Variants in ZNF518B observed in about 807,000 individuals in gnomAD.
The protein encoded by ZNF518B is zinc finger protein 518B.
A neutral mutation model predicts 56.3 loss-of-function variants in ZNF518B; 23 were observed. The ratio of observed to expected loss-of-function variants is 0.41; its 90% CI spans 0.29 to 0.58. The LOEUF is 0.58. ZNF518B is among the 20% of genes least tolerant of loss of function. ZNF518B has a pLI of 0.32. For synonymous variants in ZNF518B, 529 were observed against 465.9 expected, an observed-to-expected ratio of 1.14 and a Z score of -1.74; for missense variants, 1,460 against 1,272.1, an observed-to-expected ratio of 1.15 and a Z score of -2.25.
At position 10,446,058 on chromosome 4, in the gene ZNF518B, G is replaced by C. The variant is rs1460844220; in HGVS notation, c.271C>G (p.Leu91Val). Residue 91 changes from leucine to valine, a missense_variant, in exon 3 of 3, where the codon CTC becomes GTC. Leu to Val is a conservative substitution (Grantham distance 32, BLOSUM62 1). Coordinates refer to ENST00000326756, the MANE Select transcript of ZNF518B (RefSeq NM_053042.3). ...DGMYVCFQCS[L>V]GAAPPNFHFV... The stretch of plus-strand genomic sequence containing the variant: ...TGAAAATTGGGAGGAGCTGCACCGA[G>C]GCTGCACTGGAAGCAGACATACATA... 8 of 1,614,102 alleles carry C rather than the reference G, an allele frequency of 5.0e-6. No homozygotes were observed. The highest frequency in any genetic ancestry group is 6.8e-6 in the Non-Finnish European group (8 of 1,180,032).
rs759788212 is a variant in ZNF518B at position 10,444,251 on chromosome 4, C to A, written c.2078G>T (p.Gly693Val). 1 of 1,614,016 alleles carries A rather than the reference C, an allele frequency of 6.2e-7. No individual in the cohort carries two copies. Among genetic ancestry groups the A allele is most frequent in the South Asian group, 1.1e-5 (1 of 91,084 alleles). ...TTTTGAAGTTCCCTTTGATGCCTGC[C>A]CTACAGAGCGACGATGTGCACTATT... ...ASNSAHRRSV[G>V]QASKGTSKAT... is the part of the protein sequence containing the mutation. The change falls in exon 3 of 3, where the codon GGG becomes GTG. Residue 693 changes from glycine to valine, a missense_variant. Physicochemically the swap from Gly to Val is moderately radical, Grantham distance 109. Transcript: ENST00000326756.
At chr4:10,455,393 C>T (rs1715485338) in intron 1 of ZNF518B, among the ~76,000 whole-genome samples, 1 of 152,094 alleles carries the variant, frequency 6.6e-6, no homozygotes, top group South Asian at 2.1e-4. Flanking sequence ...TTGGGGAAAC[C>T]CTCCCTGGTA....
intron 2 of ZNF518B, among the ~76,000 whole-genome samples, chr4:10,447,349 G>A (rs1715104968): frequency 6.6e-6 from 1 of 152,154 alleles, no homozygotes; most frequent in Admixed American, 6.5e-5. Flanking sequence ...CTCATGCTAA[G>A]TTCATGTCTG....
upstream of ZNF518B, among the ~76,000 whole-genome samples, chr4:10,459,728 A>G (rs1395727204): frequency 6.6e-6 from 1 of 152,180 alleles, no homozygotes; most frequent in Non-Finnish European, 1.5e-5. Flanking sequence ...AGATTGGAGT[A>G]CACAGCCACA....
rs1349512300 is a variant in ZNF518B at position 10,444,625 on chromosome 4, A to G, written c.1704T>C (p.Ser568=). Residue 568 remains serine (S), a synonymous_variant, in exon 3 of 3, where the codon TCT becomes TCC. Transcript: ENST00000326756. ...KVNIPVKVVS[S]NRKQEDNQTE... The stretch of plus-strand genomic sequence containing the variant: ...TCTGGTTATCTTCCTGCTTCCTATT[A>G]GAGGAAACCACTTTTACAGGAATAT... 6.2e-7 allele frequency: 1 copy of G among 1,614,162 alleles called. No individual in the cohort carries two copies. Among genetic ancestry groups the G allele is most frequent in the Admixed American group, 1.7e-5 (1 of 60,026 alleles).
chr4:10,456,506 C>T lies in ZNF518B; in HGVS notation c.-396+811G>A, dbSNP rs73090017. Among the ~76,000 whole-genome samples the T allele has an allele frequency of 5.6e-3, 856 of 152,260 alleles. 9 individuals are homozygous for T. Among genetic ancestry groups the T allele is most frequent in the African/African-American group, 0.019 (795 of 41,534 alleles). On this transcript the variant is annotated intron_variant, in intron 1 of 2. Transcript: ENST00000326756. ...ATCTCTTCTCAACCTCCTATGTCCT[C>T]GCCCCCCGTAAAAGATGCGCAGGAC...
At chr4:10,459,549 C>CA (rs1715678766), upstream of ZNF518B, among the ~76,000 whole-genome samples, 1 of 152,134 alleles carries the variant, frequency 6.6e-6, no homozygotes, top group Non-Finnish European at 1.5e-5. Flanking sequence ...TATTTGGAAA[C>CA]ACGGTCTTTA....
At chr4:10,458,585 C>T (rs1397919707), upstream of ZNF518B, among the ~76,000 whole-genome samples, 1 of 152,238 alleles carries the variant, frequency 6.6e-6, no homozygotes, top group East Asian at 1.9e-4. Context: ...ATCCTTCTTC[C>T]TGCCCTAGGC....
intron 2 of ZNF518B, among the ~76,000 whole-genome samples, chr4:10,448,028 C>T (rs914250054): frequency 1.3e-5 from 2 of 152,182 alleles, no homozygotes; most frequent in African/African-American, 4.8e-5. Context: ...AAAATCCATT[C>T]TAGTTTGGAA....
Position 10,443,862 on chromosome 4 carries a change from A to G in ZNF518B, c.2467T>C (p.Leu823=). 1 of 1,614,154 alleles carries G rather than the reference A, an allele frequency of 6.2e-7. No individual in the cohort carries two copies. Among genetic ancestry groups the G allele is most frequent in the Non-Finnish European group, 8.5e-7 (1 of 1,180,012 alleles). ...CCCCTTTCACTTCTTAAAGGCTGTA[A>G]GTCTGAGTCCGCCTGTCTCACAGGG... ...FCPVRQADSD[L]QPLRSERGPI... Residue 823 remains leucine, a synonymous_variant, in exon 3 of 3, where the codon TTA becomes CTA. Coordinates refer to ENST00000326756, the MANE Select transcript of ZNF518B (RefSeq NM_053042.3).
At chr4:10,459,745 C>T (rs1030076202), upstream of ZNF518B, among the ~76,000 whole-genome samples, 3 of 152,120 alleles carry the variant, frequency 2.0e-5, no homozygotes, top group African/African-American at 4.8e-5. Flanking sequence ...CACAAACCAA[C>T]GGCTGTTGGA....
chr4:10,443,552 A>G lies in ZNF518B; in HGVS notation c.2777T>C (p.Ile926Thr), dbSNP rs2108983409. The stretch of plus-strand genomic sequence containing the variant: ...AATCAACTGATCTGGCTTAGCTGCT[A>G]TCAGTCTTAGTTGCCTTGCAACCTG... ...IFQVARQLRL[I>T]AAKPDQLIKC... Residue 926 changes from isoleucine (I) to threonine (T), a missense_variant, in exon 3 of 3, where the codon ATA (isoleucine) becomes ACA (threonine). Transcript: ENST00000326756. The G allele has an allele frequency of 1.9e-6, 3 of 1,614,178 alleles. No individual in the cohort carries two copies. In the East Asian group the frequency reaches 6.7e-5, roughly 36 times the overall value.
chr4:10,461,361 C>G (rs902394452), upstream of ZNF518B, among the ~76,000 whole-genome samples: 2 of 152,302 alleles, frequency 1.3e-5, no homozygotes, highest in East Asian at 1.9e-4. Context: ...CGCAGTGAGG[C>G]TAGTGGGGCC....
Position 10,445,650 on chromosome 4 carries a change from T to G in ZNF518B, c.679A>C (p.Lys227Gln), listed in dbSNP as rs531261653. Residue 227 changes from lysine (K) to glutamine (Q), a missense_variant, in exon 3 of 3, where the codon AAG (lysine) becomes CAG (glutamine). By Grantham distance (53) the Lys-to-Gln change is moderately conservative (BLOSUM62 1). Coordinates refer to ENST00000326756, the MANE Select transcript of ZNF518B (RefSeq NM_053042.3). Reference sequence around the variant, plus strand: ...GTTCCGGTTCTTTTTGGCTCCAGCTTGGCAACAGCTTTGACTGGCCGTTTC... The same window carrying G: ...GTTCCGGTTCTTTTTGGCTCCAGCTGGGCAACAGCTTTGACTGGCCGTTTC... ...GAKRPVKAVA[K>Q]LEPKRTGTSK... 3 of 1,614,170 alleles carry G rather than the reference T, an allele frequency of 1.9e-6. No homozygotes were observed. In the South Asian group the frequency reaches 3.3e-5, roughly 18 times the overall value.
At chr4:10,447,251 G>A (rs569888276) in intron 2 of ZNF518B, among the ~76,000 whole-genome samples, 1 of 152,272 alleles carries the variant, frequency 6.6e-6, no homozygotes, top group South Asian at 2.1e-4. Context: ...TAAGATACTT[G>A]GGAAAAAAGC....
rs777296956 is a variant in ZNF518B, at chr4:10,445,968, C to A, written c.361G>T (p.Val121Phe). 1 of 1,614,200 alleles carries A rather than the reference C, an allele frequency of 6.2e-7. No individual in the cohort carries two copies. Among genetic ancestry groups the A allele is most frequent in the Non-Finnish European group, 8.5e-7 (1 of 1,180,038 alleles). Residue 121 changes from valine to phenylalanine, a missense_variant, in exon 3 of 3, where the codon GTC (valine) becomes TTC (phenylalanine). Physicochemically the swap from Val to Phe is conservative, Grantham distance 50. Transcript: ENST00000326756. ...TTCCTTACCTTAAATTTGCTATTGACAGAACTTGAGAAGTTTTCAGTTTTA... is the reference window on the plus strand; with the variant it reads ...TTCCTTACCTTAAATTTGCTATTGAAAGAACTTGAGAAGTTTTCAGTTTTA... Reference protein sequence around the residue: ...GNKTENFSSSVNSKFKVRNFK... With the variant: ...GNKTENFSSSFNSKFKVRNFK...
intron 2 of ZNF518B, among the ~76,000 whole-genome samples, chr4:10,449,097 C>T (rs1467810747): frequency 1.3e-5 from 2 of 152,160 alleles, no homozygotes; most frequent in African/African-American, 2.4e-5. Flanking sequence ...CCAGATAAAA[C>T]GGAAAAGCTG....
At chr4:10,460,311 AAAAAAAAAAAAACC>A (rs1437839062), upstream of ZNF518B, among the ~76,000 whole-genome samples, 10 of 93,180 alleles carry the variant, frequency 1.1e-4, no homozygotes, top group South Asian at 4.6e-4. Flanking sequence ...TCTCAAAAAA[AAAAAAAAAAAAACC>A]AAAAAAAAAA....
At chr4:10,459,845 A>T (rs1715687845), upstream of ZNF518B, among the ~76,000 whole-genome samples, 1 of 152,222 alleles carries the variant, frequency 6.6e-6, no homozygotes, top group African/African-American at 2.4e-5. Flanking sequence ...CTGAGCCGAC[A>T]GAACTGTGAG....
Sources: allele counts gnomAD v4.1 joint callset (sites outside exome capture counted in the v4.1 genomes callset), GRCh38; gene constraint gnomAD v4.1.1; transcripts MANE v1.5; gene names NCBI Gene and HGNC (gene_info 2026-07-23, HGNC 2026-07-21).